The following LEPROTL1 variants were observed in gnomAD, a reference collection of about 807,000 sequenced individuals.
LEPROTL1 encodes the protein leptin receptor overlapping transcript like 1, also known as leptin receptor overlapping transcript-like 1.
In LEPROTL1, 6 loss-of-function variants were observed where a neutral mutation model predicts 15.4. The observed-to-expected ratio is 0.39, with a 90% CI of 0.21 to 0.77. LEPROTL1 has a LOEUF of 0.77. LEPROTL1 is among the 30% of genes least tolerant of loss of function. The pLI is 0.41. For synonymous variants in LEPROTL1, 56 were observed against 52.6 expected (o/e 1.06, Z -0.28); for missense variants, 128 against 158.1 (o/e 0.81, Z 1.02).
chr8:30,121,174 G>A (rs1244593042), intron 3 of LEPROTL1, among the ~76,000 whole-genome samples: 3 of 151,852 alleles, frequency 2.0e-5, no homozygotes, highest in African/African-American at 7.3e-5. Context: ...TTACCTCCAG[G>A]GTTCTGTGTT....
At position 30,107,452 on chromosome 8, in the gene LEPROTL1, T is replaced by C. The variant is rs1188405584; in HGVS notation, c.*1590T>C. The C allele has an allele frequency of 3.0e-6, 3 of 985,750 alleles. No homozygotes were observed. The highest frequency in any genetic ancestry group is 3.6e-6 in the Non-Finnish European group (3 of 829,926). 61.1% of individuals were successfully genotyped at this position (985,750 alleles called of 1,614,324 possible). Reference sequence around the variant, plus strand: ...CAAAACTCAGTAATCATGACAGCTGTCTGTTGTTTTATGAAGTTTATTTCT... The same window carrying C: ...CAAAACTCAGTAATCATGACAGCTGCCTGTTGTTTTATGAAGTTTATTTCT... On this transcript the variant is annotated 3_prime_UTR_variant, in exon 4 of 4. Transcript: ENST00000321250.
chr8:30,115,438 C>A (rs113383202), intron 3 of LEPROTL1, among the ~76,000 whole-genome samples: 5,018 of 151,680 alleles, frequency 0.033, 112 homozygotes, highest in Middle Eastern at 0.068. Flanking sequence ...TGCATACCTT[C>A]ATCTAATCCT....
intron 1 of LEPROTL1, among the ~76,000 whole-genome samples, chr8:30,100,300 G>T (rs12386822): frequency 6.6e-6 from 1 of 151,922 alleles, no homozygotes; most frequent in Non-Finnish European, 1.5e-5. Context: ...CTTTGTTTTG[G>T]TAACTTTTAG....
At chr8:30,119,233 G>A (rs1802790309) in intron 3 of LEPROTL1, among the ~76,000 whole-genome samples, 1 of 152,148 alleles carries the variant, frequency 6.6e-6, no homozygotes, top group South Asian at 2.1e-4. Context: ...CATGCAACAT[G>A]TGTTTTTGTG....
chr8:30,119,078 G>A (rs1032373990), intron 3 of LEPROTL1, among the ~76,000 whole-genome samples: 2 of 152,188 alleles, frequency 1.3e-5, no homozygotes, highest in African/African-American at 2.4e-5. Flanking sequence ...CCAGGGCAGA[G>A]GTCCCTTAGG....
intron 3 of LEPROTL1, among the ~76,000 whole-genome samples, chr8:30,114,801 C>G (rs549133984): frequency 1.3e-5 from 2 of 152,286 alleles, no homozygotes; most frequent in African/African-American, 4.8e-5. Flanking sequence ...TCTCAGGAAC[C>G]TGGGCTATCA....
chr8:30,096,143 T>TC (rs1437280920), intron 1 of LEPROTL1: 1 of 334,574 alleles, frequency 3.0e-6, no homozygotes, highest in African/African-American at 2.2e-5. Context: ...CTGGCTCTCT[T>TC]CCCTCTCCGC....
chr8:30,121,480 C>T (rs199983885), intron 3 of LEPROTL1, among the ~76,000 whole-genome samples: 1 of 152,138 alleles, frequency 6.6e-6, no homozygotes, highest in East Asian at 1.9e-4. Context: ...TCTCCAACTC[C>T]TGAGCTCAAG....
intron 3 of LEPROTL1, among the ~76,000 whole-genome samples, chr8:30,124,696 G>A (rs1016999878): frequency 2.0e-5 from 3 of 152,018 alleles, no homozygotes; most frequent in Admixed American, 2.0e-4. Flanking sequence ...ATATAGTTAT[G>A]TAAATAACTA....
chr8:30,134,670 C>A (rs967486947), intron 4 of LEPROTL1, among the ~76,000 whole-genome samples: 3 of 151,024 alleles, frequency 2.0e-5, no homozygotes, highest in African/African-American at 7.3e-5. Context: ...GCTTCAGCAT[C>A]CTGAGTAGCT....
At chr8:30,112,110 T>C (rs964120724), downstream of LEPROTL1, among the ~76,000 whole-genome samples, 1 of 152,190 alleles carries the variant, frequency 6.6e-6, no homozygotes, top group Admixed American at 6.5e-5. Context: ...AAATCAAGGT[T>C]CTGGAACACA....
chr8:30,103,702 A>G (rs574974381), intron 2 of LEPROTL1, among the ~76,000 whole-genome samples: 2 of 151,120 alleles, frequency 1.3e-5, no homozygotes, highest in Non-Finnish European at 2.9e-5. Context: ...AGATCATGCC[A>G]CTGCACTCCA....
intron 3 of LEPROTL1, among the ~76,000 whole-genome samples, chr8:30,127,507 C>G (rs1802922144): frequency 6.6e-6 from 1 of 152,026 alleles, no homozygotes; most frequent in South Asian, 2.1e-4. Flanking sequence ...ACAGCTGGCC[C>G]CATCCTTGCA....
chr8:30,110,188 C>G (rs1802633471), downstream of LEPROTL1, among the ~76,000 whole-genome samples: 1 of 152,100 alleles, frequency 6.6e-6, no homozygotes, highest in African/African-American at 2.4e-5. Context: ...GGGTTTATGC[C>G]CATACACATG....
At chr8:30,136,099 A>G (rs1379965823) in intron 4 of LEPROTL1, among the ~76,000 whole-genome samples, 1 of 152,126 alleles carries the variant, frequency 6.6e-6, no homozygotes, top group Non-Finnish European at 1.5e-5. Flanking sequence ...TCCAAATGCC[A>G]CCAAACCCTG....
In LEPROTL1 at chr8:30,097,322, C is replaced by A. The variant is rs559082995; in HGVS notation, c.16+1794C>A. 6.3e-5 allele frequency among the ~76,000 whole-genome samples: 5 copies of A among 79,890 alleles called. No individual in the cohort carries two copies. The South Asian group carries it at 3.2e-3, about 52-fold the overall frequency. 52.4% of individuals were successfully genotyped at this position (79,890 alleles called of 152,430 possible). A position where few individuals can be genotyped will look rare whatever the true frequency, so the allele number is the denominator to read the frequency against. On this transcript the variant is annotated intron_variant, in intron 1 of 3. Coordinates refer to ENST00000321250, the MANE Select transcript of LEPROTL1 (RefSeq NM_015344.3). ...TTAACCTCTAATTGGCTACCTTATT[C>A]GGTATGACTGGAAGATGAGATGTCA...
At position 30,108,437 on chromosome 8, in the gene LEPROTL1, T is replaced by C. The variant is rs1802606381; in HGVS notation, c.*2575T>C. On this transcript the variant is annotated 3_prime_UTR_variant, in exon 4 of 4. Coordinates refer to ENST00000321250, the MANE Select transcript of LEPROTL1 (RefSeq NM_015344.3). Reference sequence around the variant, plus strand: ...ATGTATTTATTACCACTCATTATTATAGCATGTTACTTTTTGCAAACATTT... The same window carrying C: ...ATGTATTTATTACCACTCATTATTACAGCATGTTACTTTTTGCAAACATTT... 6.6e-6 allele frequency: 1 copy of C among 152,250 alleles called. No individual in the cohort carries two copies. Among genetic ancestry groups the C allele is most frequent in the Non-Finnish European group, 1.5e-5 (1 of 68,044 alleles). 9.4% of individuals were successfully genotyped at this position (152,250 alleles called of 1,614,324 possible).
intron 4 of LEPROTL1, among the ~76,000 whole-genome samples, chr8:30,136,002 ACTG>A: frequency 6.6e-6 from 1 of 152,246 alleles, no homozygotes; most frequent in Non-Finnish European, 1.5e-5. Flanking sequence ...CAGTCTTCTA[ACTG>A]CTGCTGTTTC....
chr8:30,138,193 G>C (rs940839658), downstream of LEPROTL1: 6 of 191,470 alleles, frequency 3.1e-5, no homozygotes, highest in African/African-American at 1.4e-4. Flanking sequence ...CCAAAGCTTG[G>C]AGTAATAATA....
Sources: gnomAD v4.1 joint callset for allele counts (sites outside exome capture counted in the v4.1 genomes callset) on GRCh38, gnomAD v4.1.1 for gene constraint, MANE v1.5 for transcripts, NCBI Gene and HGNC (gene_info 2026-07-23, HGNC 2026-07-21) for gene names.